Variants in VPS37A observed in about 807,000 individuals in gnomAD.
VPS37A encodes vacuolar protein sorting-associated protein 37A.
Under a neutral mutation model 49.8 loss-of-function variants are expected in VPS37A, and 30 were observed. The observed-to-expected ratio is 0.60, with a 90% CI of 0.45 to 0.82. VPS37A has a LOEUF of 0.82. Ranked by LOEUF, VPS37A falls within the 40% of genes least tolerant of loss-of-function variation. The pLI is 0.00. For missense variants in VPS37A, 593 were observed against 464.4 expected (o/e 1.28, Z -2.55); for synonymous variants, 195 against 160.6 (o/e 1.21, Z -1.62).
At chr8:17,260,169 C>A (rs1474047160) in intron 1 of VPS37A, among the ~76,000 whole-genome samples, 5 of 151,994 alleles carry the variant, frequency 3.3e-5, no homozygotes, top group Non-Finnish European at 5.9e-5. Context: ...AGGTAAGTGA[C>A]TTTCTTTGGT....
intron 9 of VPS37A, among the ~76,000 whole-genome samples, chr8:17,283,188 C>T (rs992690152): frequency 9.9e-5 from 15 of 151,772 alleles, no homozygotes; most frequent in African/African-American, 3.6e-4. Flanking sequence ...TTTTTTCTTA[C>T]TCTGTCACCC....
chr8:17,328,406 C>A, the VPS37A span, among the ~76,000 whole-genome samples: 2 of 152,144 alleles, frequency 1.3e-5, no homozygotes, highest in African/African-American at 4.8e-5. Context: ...CCAGGCTCTT[C>A]TACGGACTGT....
Position 17,247,559 on chromosome 8 carries a change from C to T in VPS37A, c.125+190C>T, listed in dbSNP as rs910208278. Reference sequence around the variant, plus strand: ...ACTGTTTTCCTCCGGACCCTCCCTGCCTCCTGCCGCACCACTGCTCAGCGC... The same window carrying T: ...ACTGTTTTCCTCCGGACCCTCCCTGTCTCCTGCCGCACCACTGCTCAGCGC... On this transcript the variant is annotated intron_variant, in intron 1 of 11. Coordinates refer to ENST00000324849, the MANE Select transcript of VPS37A (RefSeq NM_152415.3). 6 of 804,860 alleles carry T rather than the reference C, an allele frequency of 7.5e-6. No homozygotes were observed. The African/African-American group carries it at 1.0e-4, about 14-fold the overall frequency. 49.9% of individuals were successfully genotyped at this position (804,860 alleles called of 1,614,324 possible). A position where few individuals can be genotyped will look rare whatever the true frequency, so the allele number is the denominator to read the frequency against.
At chr8:17,302,301 T>A (rs1203736260), downstream of VPS37A, 2 of 1,610,996 alleles carry the variant, frequency 1.2e-6, no homozygotes, top group African/African-American at 2.7e-5. Context: ...TGGCAAAGCG[T>A]CGTGATACCA....
intron 11 of VPS37A, among the ~76,000 whole-genome samples, chr8:17,290,009 T>C (rs931130856): frequency 3.9e-5 from 6 of 152,202 alleles, no homozygotes; most frequent in Non-Finnish European, 8.8e-5. Flanking sequence ...TTGTCTATTA[T>C]TGGTGTATAG....
At chr8:17,323,292 A>G in the VPS37A span, among the ~76,000 whole-genome samples, 4 of 152,108 alleles carry the variant, frequency 2.6e-5, no homozygotes, top group Non-Finnish European at 2.9e-5. Flanking sequence ...CTCAGATGCT[A>G]GCAACACAGC....
At chr8:17,266,874 G>A (rs1333727552) in intron 2 of VPS37A, among the ~76,000 whole-genome samples, 1 of 152,120 alleles carries the variant, frequency 6.6e-6, no homozygotes, top group African/African-American at 2.4e-5. Context: ...CCGGGTTCAA[G>A]CGATTCTCCT....
chr8:17,302,389 TGCAAATTTCA>T (rs1215318066), downstream of VPS37A: 1 of 1,275,922 alleles, frequency 7.8e-7, no homozygotes, highest in Non-Finnish European at 1.0e-6. Flanking sequence ...AATAACCAAA[TGCAAATTTCA>T]GCCTCAAAAA....
intron 11 of VPS37A, among the ~76,000 whole-genome samples, chr8:17,287,395 C>G (rs577117796): frequency 2.6e-5 from 4 of 152,138 alleles, no homozygotes; most frequent in African/African-American, 9.6e-5. Flanking sequence ...TTTTTTCTGG[C>G]CGAGCGCAGT....
chr8:17,250,794 A>G (rs1811906505), intron 1 of VPS37A, among the ~76,000 whole-genome samples: 1 of 152,112 alleles, frequency 6.6e-6, no homozygotes, highest in East Asian at 1.9e-4. Flanking sequence ...ATTTTATGTA[A>G]ATTTTTTCAT....
chr8:17,268,429 C>A, intron 3 of VPS37A, 57 bp downstream of exon 3: 2 of 1,266,268 alleles, frequency 1.6e-6, no homozygotes, highest in Non-Finnish European at 2.2e-6. Context: ...TACTTTTCTA[C>A]TAAATATTTT....
At chr8:17,277,058 G>A (rs543795880) in intron 6 of VPS37A, among the ~76,000 whole-genome samples, 3 of 151,930 alleles carry the variant, frequency 2.0e-5, no homozygotes, top group Non-Finnish European at 4.4e-5. Flanking sequence ...TACTCATAAG[G>A]CTCTTATTAC....
downstream of VPS37A, among the ~76,000 whole-genome samples, chr8:17,306,607 G>GT (rs140896995): frequency 5.7e-3 from 872 of 152,272 alleles, 10 homozygotes; most frequent in African/African-American, 0.02. Context: ...ACACTACTGT[G>GT]TGAGTTTTAC....
intron 1 of VPS37A, among the ~76,000 whole-genome samples, chr8:17,261,455 A>G (rs1281687398): frequency 6.6e-6 from 1 of 152,158 alleles, no homozygotes; most frequent in Non-Finnish European, 1.5e-5. Context: ...TTATTATCTC[A>G]TTAGGGTCAG....
chr8:17,304,376 T>C (rs774793986), downstream of VPS37A: 21 of 1,610,898 alleles, frequency 1.3e-5, no homozygotes, highest in Non-Finnish European at 1.7e-5. Context: ...AGGATTTACA[T>C]ACTTGTACAT....
At chr8:17,265,451 C>G (rs1033510019) in intron 1 of VPS37A, among the ~76,000 whole-genome samples, 2 of 152,212 alleles carry the variant, frequency 1.3e-5, no homozygotes, top group Admixed American at 6.5e-5. Context: ...CCAGCATCCT[C>G]TGTCATAAGA....
chr8:17,315,062 A>G, the VPS37A span, among the ~76,000 whole-genome samples: 1 of 152,234 alleles, frequency 6.6e-6, no homozygotes, highest in African/African-American at 2.4e-5. Flanking sequence ...GTGGGCTGAG[A>G]GTTCCCAAGC....
At chr8:17,300,109 G>A, downstream of VPS37A, 1 of 1,614,132 alleles carries the variant, frequency 6.2e-7, no homozygotes, top group Non-Finnish European at 8.5e-7. Flanking sequence ...GTAATCCTGG[G>A]GAGTGTTGGC....
At chr8:17,280,763 G>A (rs969310016) in intron 9 of VPS37A, among the ~76,000 whole-genome samples, 2 of 151,842 alleles carry the variant, frequency 1.3e-5, no homozygotes, top group Non-Finnish European at 1.5e-5. Context: ...CGACTCACTT[G>A]TAAGCTTATC....
Sources: allele counts gnomAD v4.1 joint callset (sites outside exome capture counted in the v4.1 genomes callset), GRCh38; gene constraint gnomAD v4.1.1; transcripts MANE v1.5; gene names NCBI Gene and HGNC (gene_info 2026-07-23, HGNC 2026-07-21).